OXSR1: variants seen among roughly 807,000 people sequenced by gnomAD.
The protein encoded by OXSR1 is serine/threonine-protein kinase OSR1.
A neutral mutation model predicts 79.8 loss-of-function variants in OXSR1; 24 were observed. The ratio of observed to expected loss-of-function variants is 0.30; its 90% CI spans 0.22 to 0.42. The LOEUF (loss-of-function observed/expected upper bound fraction) is 0.42, where lower values mean the gene tolerates loss of function less well. Ranked by LOEUF, OXSR1 falls within the 10% of genes least tolerant of loss-of-function variation. The probability of loss-of-function intolerance (pLI) is 1.00; values close to 1 mark genes in which losing one functional copy is unlikely to be tolerated. For missense variants in OXSR1, 430 were observed against 618.4 expected (o/e 0.70, Z 3.23); for synonymous variants, 226 against 209.2 (o/e 1.08, Z -0.69).
At chr3:38,219,350 C>T (rs1490662694) in intron 5 of OXSR1, among the ~76,000 whole-genome samples, 1 of 152,028 alleles carries the variant, frequency 6.6e-6, no homozygotes, top group African/African-American at 2.4e-5. Flanking sequence ...AGTAAAAACT[C>T]TTCATAATTC....
intron 1 of OXSR1, among the ~76,000 whole-genome samples, chr3:38,169,961 C>A (rs776340268): frequency 6.6e-6 from 1 of 151,660 alleles, no homozygotes; most frequent in South Asian, 2.1e-4. Context: ...AATTCCTGAT[C>A]GCTCAAGCGA....
At chr3:38,210,187 C>G (rs1318632101) in intron 4 of OXSR1, among the ~76,000 whole-genome samples, 1 of 151,948 alleles carries the variant, frequency 6.6e-6, no homozygotes, top group Non-Finnish European at 1.5e-5. Context: ...TGACATCTAT[C>G]AATATTTTTG....
intron 2 of OXSR1, among the ~76,000 whole-genome samples, chr3:38,183,581 A>G (rs1214686225): frequency 1.3e-5 from 2 of 152,182 alleles, no homozygotes; most frequent in African/African-American, 4.8e-5. Flanking sequence ...TTAAAATAAT[A>G]CCATGGAATT....
intron 10 of OXSR1, among the ~76,000 whole-genome samples, chr3:38,233,657 A>G (rs888413342): frequency 9.9e-5 from 15 of 152,190 alleles, no homozygotes; most frequent in Non-Finnish European, 2.1e-4. Context: ...CCATGCCTGT[A>G]AATCCCAACA....
chr3:38,227,000 T>G (rs889792791), intron 8 of OXSR1, among the ~76,000 whole-genome samples: 1 of 152,316 alleles, frequency 6.6e-6, no homozygotes, highest in East Asian at 1.9e-4. Flanking sequence ...GTGAATGGCA[T>G]GTAGGAACTC....
chr3:38,206,018 G>A (rs192515696), intron 4 of OXSR1, among the ~76,000 whole-genome samples: 31 of 152,130 alleles, frequency 2.0e-4, no homozygotes, highest in Admixed American at 1.8e-3. Flanking sequence ...TGAGATTATC[G>A]TAAGAAATAA....
intron 5 of OXSR1, among the ~76,000 whole-genome samples, chr3:38,219,347 ACT>A (rs1382169220): frequency 6.6e-6 from 1 of 152,042 alleles, no homozygotes; most frequent in Non-Finnish European, 1.5e-5. Flanking sequence ...AAAAGTAAAA[ACT>A]CTTCATAATT....
intron 1 of OXSR1, among the ~76,000 whole-genome samples, chr3:38,181,656 A>G (rs1701789045): frequency 6.6e-6 from 1 of 152,088 alleles, no homozygotes; most frequent in South Asian, 2.1e-4. Context: ...GGCCTGTTTC[A>G]AAAGATTTTG....
At chr3:38,226,324 A>T (rs1702688255) in intron 8 of OXSR1, among the ~76,000 whole-genome samples, 1 of 152,152 alleles carries the variant, frequency 6.6e-6, no homozygotes, top group Non-Finnish European at 1.5e-5. Context: ...AAAAGATACA[A>T]AATTAAGTAT....
chr3:38,187,012 T>TGGCTAG (rs1701897968), intron 2 of OXSR1, among the ~76,000 whole-genome samples: 1 of 152,170 alleles, frequency 6.6e-6, no homozygotes, highest in African/African-American at 2.4e-5. Flanking sequence ...TCCTAGTAGA[T>TGGCTAG]TAGTTCTGTA....
At position 38,216,164 on chromosome 3, in the gene OXSR1, ATTTC is replaced by A; in HGVS notation, c.490+17_490+20del. The A allele has an allele frequency of 6.7e-7, 1 of 1,487,888 alleles. No homozygotes were observed. Among genetic ancestry groups the A allele is most frequent in the African/African-American group, 1.4e-5 (1 of 71,180 alleles). The allele number at this position is 1,487,888 out of a possible 1,614,324, so 92.2% of individuals were successfully genotyped here. A position where few individuals can be genotyped will look rare whatever the true frequency, so the allele number is the denominator to read the frequency against. ...GTACAGATTGCAGGTAATGATTAGT[ATTTC>A]TTTTTATTTGATTTAATGGTCAGTA... On this transcript the variant is annotated intron_variant, in intron 5 of 17. Coordinates refer to ENST00000311806, the MANE Select transcript of OXSR1 (RefSeq NM_005109.3).
Position 38,252,965 on chromosome 3 carries a change from C to T in OXSR1, c.*74C>T, listed in dbSNP as rs920512971. 4.2e-5 allele frequency: 51 copies of T among 1,203,100 alleles called. No individual in the cohort carries two copies. Among genetic ancestry groups the T allele is most frequent in the Middle Eastern group, 1.9e-4 (1 of 5,296 alleles). 74.5% of individuals were successfully genotyped at this position (1,203,100 alleles called of 1,614,324 possible). ...CTCTGTTGCTTCTATTGGCCTAAAC[C>T]CACTACTGCCAAAGAACCCAGCAAC... On this transcript the variant is annotated 3_prime_UTR_variant, in exon 18 of 18. Coordinates refer to ENST00000311806, the MANE Select transcript of OXSR1 (RefSeq NM_005109.3).
chr3:38,206,017 C>T (rs188014748), intron 4 of OXSR1, among the ~76,000 whole-genome samples: 52 of 152,192 alleles, frequency 3.4e-4, no homozygotes, highest in Middle Eastern at 6.8e-3. Flanking sequence ...TTGAGATTAT[C>T]GTAAGAAATA....
chr3:38,221,038 A>G (rs933380681), intron 5 of OXSR1, among the ~76,000 whole-genome samples: 6 of 152,032 alleles, frequency 3.9e-5, no homozygotes, highest in African/African-American at 1.4e-4. Context: ...AGAATTACGA[A>G]CTCTGATTTA....
intron 10 of OXSR1, among the ~76,000 whole-genome samples, chr3:38,235,607 A>C (rs1702902923): frequency 6.6e-6 from 1 of 152,214 alleles, no homozygotes; most frequent in African/African-American, 2.4e-5. Context: ...TTACCATGAT[A>C]AGTCAGAATA....
chr3:38,200,167 T>C (rs1266740020), intron 4 of OXSR1, among the ~76,000 whole-genome samples: 1 of 152,164 alleles, frequency 6.6e-6, no homozygotes, highest in African/African-American at 2.4e-5. Flanking sequence ...TGGGCTCTCC[T>C]GCAACTCCAA....
chr3:38,196,586 A>G (rs1702076422), intron 3 of OXSR1, among the ~76,000 whole-genome samples: 1 of 152,238 alleles, frequency 6.6e-6, no homozygotes, highest in Admixed American at 6.5e-5. Context: ...TGTTCTGGAC[A>G]TAGACTAGAG....
intron 8 of OXSR1, among the ~76,000 whole-genome samples, chr3:38,226,857 A>G (rs1702699768): frequency 1.3e-5 from 2 of 151,796 alleles, no homozygotes; most frequent in Non-Finnish European, 2.9e-5. Context: ...GAAAAAGGAC[A>G]TTAGTGGAAA....
intron 2 of OXSR1, among the ~76,000 whole-genome samples, chr3:38,188,669 T>C (rs1329973048): frequency 2.0e-5 from 3 of 152,228 alleles, no homozygotes; most frequent in Non-Finnish European, 4.4e-5. Context: ...GGATGAAGCC[T>C]GATTTTTAAA....
Sources: gnomAD v4.1 joint callset for allele counts (sites outside exome capture counted in the v4.1 genomes callset) on GRCh38, gnomAD v4.1.1 for gene constraint, MANE v1.5 for transcripts, NCBI Gene and HGNC (gene_info 2026-07-23, HGNC 2026-07-21) for gene names.